The following CNTNAP5 variants were observed in gnomAD, a reference collection of about 807,000 sequenced individuals.
The protein encoded by CNTNAP5 is contactin associated protein family member 5.
CNTNAP5 carries 72 observed loss-of-function variants against 150.2 expected under a neutral mutation model. The ratio of observed to expected loss-of-function variants is 0.48; its 90% confidence interval spans 0.40 to 0.58. The LOEUF (loss-of-function observed/expected upper bound fraction) is 0.58, where lower values mean the gene tolerates loss of function less well. Among genes scored for constraint, CNTNAP5 ranks in the 20% least tolerant of loss-of-function variants. The probability of loss-of-function intolerance (pLI) is 0.00; values close to 1 mark genes in which losing one functional copy is unlikely to be tolerated. For synonymous variants in CNTNAP5, 672 were observed against 619.8 expected, an observed-to-expected ratio of 1.08 and a Z score of -1.25; for missense variants, 1,636 against 1,626.2, an observed-to-expected ratio of 1.01 and a Z score of -0.10.
At chr2:124,142,888 C>CGCTA (rs921279225) in intron 1 of CNTNAP5, among the ~76,000 whole-genome samples, 2 of 149,518 alleles carry the variant, frequency 1.3e-5, no homozygotes, top group Non-Finnish European at 3.0e-5. Flanking sequence ...ATTGATAGAC[C>CGCTA]GCTAGCAAGA....
intron 13 of CNTNAP5, among the ~76,000 whole-genome samples, chr2:124,698,091 G>C (rs1333773819): frequency 6.6e-6 from 1 of 152,030 alleles, no homozygotes; most frequent in Non-Finnish European, 1.5e-5. Flanking sequence ...CCCAAATAAT[G>C]ATATAATACA....
At chr2:124,362,991 C>G (rs1690259560) in intron 3 of CNTNAP5, among the ~76,000 whole-genome samples, 1 of 152,084 alleles carries the variant, frequency 6.6e-6, no homozygotes, top group Admixed American at 6.6e-5. Context: ...ACTCAAGATA[C>G]AGCAAAAAAG....
rs764105721 is a variant in CNTNAP5 at position 124,713,322 on chromosome 2, T to C, written c.2078-33907T>C. On this transcript the variant is annotated intron_variant, in intron 13 of 23. Transcript: ENST00000682447. ...CTTTCTTCTTTCTCTTTCTTTCCTT[T>C]CTTTCTTTCTTTCTTTCTTTCTTTC... Among the ~76,000 whole-genome samples, 312 of 37,378 alleles carry C rather than the reference T, an allele frequency of 8.3e-3. 13 individuals carry two copies. Among genetic ancestry groups the C allele is most frequent in the Admixed American group, 0.012 (32 of 2,610 alleles). 24.5% of individuals were successfully genotyped at this position (37,378 alleles called of 152,430 possible). A position where few individuals can be genotyped will look rare whatever the true frequency, so the allele number is the denominator to read the frequency against.
At chr2:124,197,675 C>A (rs1685621289) in intron 1 of CNTNAP5, among the ~76,000 whole-genome samples, 1 of 152,020 alleles carries the variant, frequency 6.6e-6, no homozygotes, top group African/African-American at 2.4e-5. Flanking sequence ...AATATTTGTA[C>A]CAATTCATAT....
At chr2:124,051,848 A>G (rs1573718998) in intron 1 of CNTNAP5, among the ~76,000 whole-genome samples, 1 of 152,298 alleles carries the variant, frequency 6.6e-6, no homozygotes, top group East Asian at 1.9e-4. Context: ...CTTCTGCTAC[A>G]GCATTCCTTT....
intron 3 of CNTNAP5, among the ~76,000 whole-genome samples, chr2:124,400,862 T>C (rs1364896797): frequency 6.6e-6 from 1 of 151,828 alleles, no homozygotes; most frequent in Non-Finnish European, 1.5e-5. Flanking sequence ...CATTACCCCC[T>C]ACACTTTTTT....
At chr2:124,627,692 T>G (rs1677757680) in intron 12 of CNTNAP5, among the ~76,000 whole-genome samples, 1 of 152,058 alleles carries the variant, frequency 6.6e-6, no homozygotes, top group South Asian at 2.1e-4. Flanking sequence ...TCCAGCAAGG[T>G]CACAGAACGG....
Position 124,434,597 on chromosome 2 carries a change from G to C in CNTNAP5, c.643G>C (p.Asp215His). 6.2e-7 allele frequency: 1 copy of C among 1,613,998 alleles called. No individual in the cohort carries two copies. Among genetic ancestry groups the C allele is most frequent in the South Asian group, 1.1e-5 (1 of 91,084 alleles). The change falls in exon 5 of 24, where the codon GAT becomes CAT. Residue 215 changes from aspartate to histidine, a missense_variant. By Grantham distance (81) the Asp-to-His change is moderately conservative (BLOSUM62 -1). Coordinates refer to ENST00000682447, the MANE Select transcript of CNTNAP5 (RefSeq NM_001367498.1). ...ISLKFKSMQG[D>H]GVLFHGEGQR... ...CCTGAAGTTCAAGAGCATGCAAGGA[G>C]ATGGGGTCCTGTTCCATGGAGAAGG...
At chr2:124,209,159 C>A (rs1300665477) in intron 1 of CNTNAP5, among the ~76,000 whole-genome samples, 1 of 152,166 alleles carries the variant, frequency 6.6e-6, no homozygotes, top group Non-Finnish European at 1.5e-5. Flanking sequence ...CATCAGACTT[C>A]AAGGCCCTAC....
chr2:124,721,739 T>C (rs1680054339), intron 13 of CNTNAP5, among the ~76,000 whole-genome samples: 1 of 152,108 alleles, frequency 6.6e-6, no homozygotes, highest in Admixed American at 6.5e-5. Flanking sequence ...AAATTCAAAA[T>C]TCTGATATAT....
At chr2:124,149,312 G>A (rs1262927875) in intron 1 of CNTNAP5, among the ~76,000 whole-genome samples, 2 of 147,540 alleles carry the variant, frequency 1.4e-5, no homozygotes, top group Non-Finnish European at 3.0e-5. Flanking sequence ...TTAAATCTTG[G>A]TGCATATTAT....
intron 1 of CNTNAP5, among the ~76,000 whole-genome samples, chr2:124,205,420 TC>T (rs1184784071): frequency 3.3e-5 from 5 of 151,414 alleles, no homozygotes; most frequent in South Asian, 2.1e-4. Flanking sequence ...TCTTTTCTTT[TC>T]TTTTTTTTTT....
intron 3 of CNTNAP5, among the ~76,000 whole-genome samples, chr2:124,287,642 C>T (rs553613515): frequency 6.6e-6 from 1 of 152,060 alleles, no homozygotes; most frequent in Non-Finnish European, 1.5e-5. Context: ...GAGTCTGGTC[C>T]TTCCAATCTA....
intron 1 of CNTNAP5, among the ~76,000 whole-genome samples, chr2:124,149,441 A>G (rs1057139333): frequency 3.3e-5 from 5 of 149,498 alleles, no homozygotes; most frequent in Non-Finnish European, 7.4e-5. Flanking sequence ...GGAAAACTCA[A>G]CTTCATTCTG....
intron 12 of CNTNAP5, among the ~76,000 whole-genome samples, chr2:124,624,706 G>T (rs970536568): frequency 6.6e-6 from 1 of 152,186 alleles, no homozygotes; most frequent in Non-Finnish European, 1.5e-5. Flanking sequence ...ATTTTGCACA[G>T]TGTGGAAAAT....
intron 3 of CNTNAP5, among the ~76,000 whole-genome samples, chr2:124,243,918 T>A (rs1686949021): frequency 6.6e-6 from 1 of 152,166 alleles, no homozygotes; most frequent in African/African-American, 2.4e-5. Context: ...TCACTTTTAG[T>A]TTGAGATAAG....
chr2:124,028,896 A>C (rs1283248766), intron 1 of CNTNAP5, among the ~76,000 whole-genome samples: 1 of 152,140 alleles, frequency 6.6e-6, no homozygotes, highest in Non-Finnish European at 1.5e-5. Flanking sequence ...TACTGAGAAA[A>C]TTATTTAAAT....
intron 8 of CNTNAP5, among the ~76,000 whole-genome samples, chr2:124,522,019 C>T (rs1326199703): frequency 6.6e-6 from 1 of 152,154 alleles, no homozygotes; most frequent in Non-Finnish European, 1.5e-5. Context: ...AGTGATCTGG[C>T]TTGAGAGATC....
chr2:124,164,283 A>G (rs1558782225), intron 1 of CNTNAP5, among the ~76,000 whole-genome samples: 4 of 152,214 alleles, frequency 2.6e-5, no homozygotes, highest in Admixed American at 2.6e-4. Context: ...CAGCAAGTAC[A>G]TGGAGCGGTG....
Sources: gnomAD v4.1 joint callset for allele counts (sites outside exome capture counted in the v4.1 genomes callset) on GRCh38, gnomAD v4.1.1 for gene constraint, MANE v1.5 for transcripts, NCBI Gene and HGNC (gene_info 2026-07-23, HGNC 2026-07-21) for gene names.